Variants in CCDC85C observed in about 807,000 individuals in gnomAD.
The protein encoded by CCDC85C is coiled-coil domain-containing protein 85C.
CCDC85C carries 18 observed loss-of-function variants against 38.3 expected under a neutral mutation model. The observed-to-expected ratio is 0.47, with a 90% CI of 0.33 to 0.70. CCDC85C has a LOEUF of 0.70. CCDC85C is among the 30% of genes least tolerant of loss of function. The pLI, the probability that CCDC85C is intolerant of heterozygous loss-of-function variation, is 0.03. For missense variants in CCDC85C, 566 were observed against 621.2 expected, an observed-to-expected ratio of 0.91 and a Z score of 0.94; for synonymous variants, 264 against 293.8, an observed-to-expected ratio of 0.90 and a Z score of 1.04.
Position 99,572,661 on chromosome 14 carries a change from G to GT in CCDC85C, c.793+30505_793+30506insA, listed in dbSNP as rs1555371332. ...TATCATCCAAGCCCCAGGTGACCTG[G>GT]CCCCTCCTTAAGAGGCCTCCCCTGC... On this transcript the variant is annotated intron_variant, in intron 1 of 5. Coordinates refer to ENST00000380243, the MANE Select transcript of CCDC85C (RefSeq NM_001144995.2). The surrounding 1 kb of genome is among the most constrained non-coding windows in gnomAD (Gnocchi z 4.4). 3 of 455,698 alleles carry GT rather than the reference G, an allele frequency of 6.6e-6. No homozygotes were observed. Among genetic ancestry groups the GT allele is most frequent in the South Asian group, 1.5e-5 (1 of 64,540 alleles). The allele number at this position is 455,698 out of a possible 1,614,324, so 28.2% of individuals were successfully genotyped here.
chr14:99,523,129 G>A (rs2139902084), intron 2 of CCDC85C, among the ~76,000 whole-genome samples: 1 of 152,282 alleles, frequency 6.6e-6, no homozygotes, highest in South Asian at 2.1e-4. Context: ...AAACCCTGCG[G>A]AATGTCCCAT....
In CCDC85C at chr14:99,510,790, CT is replaced by C. The variant is rs776794029; in HGVS notation, c.*4455del. On this transcript the variant is annotated 3_prime_UTR_variant, in exon 6 of 6. Transcript: ENST00000380243. ...GCAGCCTGGATGAGATAACGTGAGC[CT>C]TTTTTCCCTCTTTGTTTTTTTAACA... The C allele has an allele frequency of 3.9e-5, 56 of 1,421,986 alleles. No individual in the cohort carries two copies. The African/African-American group carries it at 4.7e-4, about 12-fold the overall frequency. The allele number at this position is 1,421,986 out of a possible 1,614,324, so 88.1% of individuals were successfully genotyped here. A position where few individuals can be genotyped will look rare whatever the true frequency, so the allele number is the denominator to read the frequency against.
At chr14:99,571,496 G>T (rs974054610) in intron 1 of CCDC85C, among the ~76,000 whole-genome samples, 1 of 152,226 alleles carries the variant, frequency 6.6e-6, no homozygotes, top group Non-Finnish European at 1.5e-5. Flanking sequence ...CTGAGACGCA[G>T]ACCAAAGGCC....
In CCDC85C at chr14:99,535,927, G is replaced by C. The variant is rs922589294; in HGVS notation, c.867+88C>G. ...GGGAGCAGTTGGGGGGACAGCCTAG[G>C]TCCCAAGGGGAAGGGTGCCCTGGGT... On this transcript the variant is annotated intron_variant, in intron 2 of 5. Transcript: ENST00000380243. This position sits in a 1 kb window ranked among gnomAD's most constrained non-coding sequence, Gnocchi z 5.5. 1 of 986,274 alleles carries C rather than the reference G, an allele frequency of 1.0e-6. No homozygotes were observed. Among genetic ancestry groups the C allele is most frequent in the African/African-American group, 1.6e-5 (1 of 62,504 alleles). 61.1% of individuals were successfully genotyped at this position (986,274 alleles called of 1,614,324 possible).
rs1566773289 is a variant in CCDC85C at position 99,558,196 on chromosome 14, C to T, written c.794-22108G>A. Among the ~76,000 whole-genome samples, 2 of 152,182 alleles carry T rather than the reference C, an allele frequency of 1.3e-5. No homozygotes were observed. ...AACTCAGCCGTGTGAAAGCCACTGG[C>T]CTTCATCATCTGCCCAACAGCAGAA... On this transcript the variant is annotated intron_variant, in intron 1 of 5. Transcript: ENST00000380243. The surrounding 1 kb of genome is among the most constrained non-coding windows in gnomAD (Gnocchi z 4.2).
Position 99,516,473 on chromosome 14 carries a change from A to G in CCDC85C, c.1072-187T>C, listed in dbSNP as rs906057364. ...TGTCATCTCACCCTGCTGACACTGG[A>G]TGCCCTACAAGGGAAGCAGCTCATG... is the stretch of plus-strand genomic sequence containing the variant. On this transcript the variant is annotated intron_variant, in intron 4 of 5. Coordinates refer to ENST00000380243, the MANE Select transcript of CCDC85C (RefSeq NM_001144995.2). This position sits in a 1 kb window ranked among gnomAD's most constrained non-coding sequence, Gnocchi z 5.5. Among the ~76,000 whole-genome samples, 4 of 152,138 alleles carry G rather than the reference A, an allele frequency of 2.6e-5. No homozygotes were observed. Among genetic ancestry groups the G allele is most frequent in the African/African-American group, 9.7e-5 (4 of 41,422 alleles).
rs2139917226 is a variant in CCDC85C, at chr14:99,535,161, C to A, written c.867+854G>T. ...GCACCAAGCCTGGCTGGTCACCTAG[C>A]AACAGGGCCAGGCAGCTGAGCCATC... On this transcript the variant is annotated intron_variant, in intron 2 of 5. Coordinates refer to ENST00000380243, the MANE Select transcript of CCDC85C (RefSeq NM_001144995.2). The surrounding 1 kb of genome is among the most constrained non-coding windows in gnomAD (Gnocchi z 5.5). 1 of 176,936 alleles carries A rather than the reference C, an allele frequency of 5.7e-6. No homozygotes were observed. Among genetic ancestry groups the A allele is most frequent in the Non-Finnish European group, 1.2e-5 (1 of 83,750 alleles). 11.0% of individuals were successfully genotyped at this position (176,936 alleles called of 1,614,324 possible).
Position 99,535,798 on chromosome 14 carries a change from A to T in CCDC85C, c.867+217T>A, listed in dbSNP as rs571114445. On this transcript the variant is annotated intron_variant, in intron 2 of 5. Coordinates refer to ENST00000380243, the MANE Select transcript of CCDC85C (RefSeq NM_001144995.2). This position sits in a 1 kb window ranked among gnomAD's most constrained non-coding sequence, Gnocchi z 5.5. The stretch of plus-strand genomic sequence containing the variant: ...CCTGGGCCAGCCCTGAGGAGCTCGC[A>T]TACTGGGCAGTCAGCATGGAAGGTT... Among the ~76,000 whole-genome samples, 94 of 152,238 alleles carry T rather than the reference A, an allele frequency of 6.2e-4. No individual in the cohort carries two copies. The highest frequency in any genetic ancestry group is 2.2e-3 in the African/African-American group (92 of 41,552).
intron 1 of CCDC85C, among the ~76,000 whole-genome samples, chr14:99,547,008 CT>C (rs1056391904): frequency 6.6e-6 from 1 of 151,246 alleles, no homozygotes; most frequent in East Asian, 1.9e-4. Context: ...ATTGTGATTT[CT>C]TTTTTTTTAA....
chr14:99,547,511 T>C (rs1475338904), intron 1 of CCDC85C, among the ~76,000 whole-genome samples: 2 of 152,164 alleles, frequency 1.3e-5, no homozygotes, highest in Non-Finnish European at 1.5e-5. Flanking sequence ...CAGTGGCTCA[T>C]GCCTGTAATC....
rs2055047388 is a variant in CCDC85C at position 99,588,176 on chromosome 14, C to A, written c.793+14991G>T. On this transcript the variant is annotated intron_variant, in intron 1 of 5. Transcript: ENST00000380243. The surrounding 1 kb of genome is among the most constrained non-coding windows in gnomAD (Gnocchi z 5.0). Reference sequence around the variant, plus strand: ...AGGTCTGGGGAGACAAGCATCTCAGCCGAACACAACAGTCACCCTGGGACA... The same window carrying A: ...AGGTCTGGGGAGACAAGCATCTCAGACGAACACAACAGTCACCCTGGGACA... 6.6e-6 allele frequency among the ~76,000 whole-genome samples: 1 copy of A among 152,138 alleles called. No individual in the cohort carries two copies. The highest frequency in any genetic ancestry group is 1.5e-5 in the Non-Finnish European group (1 of 68,034).
intron 2 of CCDC85C, 197 bp from the exon 3 acceptor site, chr14:99,522,437 A>C (rs1897316260): frequency 1.9e-6 from 1 of 520,202 alleles, no homozygotes; most frequent in East Asian, 3.2e-5. Context: ...CTCAAATGTC[A>C]GCGATCCACT....
In CCDC85C at chr14:99,572,138, C is replaced by T. The variant is rs1898361111; in HGVS notation, c.793+31029G>A. Among the ~76,000 whole-genome samples, 2 of 152,178 alleles carry T rather than the reference C, an allele frequency of 1.3e-5. No individual in the cohort carries two copies. The highest frequency in any genetic ancestry group is 6.5e-5 in the Admixed American group (1 of 15,284). On this transcript the variant is annotated intron_variant, in intron 1 of 5. Coordinates refer to ENST00000380243, the MANE Select transcript of CCDC85C (RefSeq NM_001144995.2). The surrounding 1 kb of genome is among the most constrained non-coding windows in gnomAD (Gnocchi z 4.4). ...AGGGCCAGATTCCCCACATACCCTCCCAAGCCTGAGGGCTCAAATTCACAG... is the reference window on the plus strand; with the variant it reads ...AGGGCCAGATTCCCCACATACCCTCTCAAGCCTGAGGGCTCAAATTCACAG...
chr14:99,561,574 C>T (rs1297952149), intron 1 of CCDC85C, among the ~76,000 whole-genome samples: 2 of 152,200 alleles, frequency 1.3e-5, no homozygotes, highest in Non-Finnish European at 2.9e-5. Context: ...GGGGCGGGCG[C>T]CATGCAGTGG....
At position 99,520,155 on chromosome 14, in the gene CCDC85C, C is replaced by T. The variant is rs1018010450; in HGVS notation, c.975+1978G>A. ...ACCCAGGGACTCTCCAGCATGCCCT[C>T]AATGTGCCCATGACCCACAGGTAGC... is the stretch of plus-strand genomic sequence containing the variant. On this transcript the variant is annotated intron_variant, in intron 3 of 5. Transcript: ENST00000380243. The surrounding 1 kb of genome is among the most constrained non-coding windows in gnomAD (Gnocchi z 4.1). 6.6e-6 allele frequency among the ~76,000 whole-genome samples: 1 copy of T among 152,190 alleles called. No individual in the cohort carries two copies. The highest frequency in any genetic ancestry group is 6.5e-5 in the Admixed American group (1 of 15,288).
In CCDC85C at chr14:99,572,537, C is replaced by T. The variant is rs574878817; in HGVS notation, c.793+30630G>A. On this transcript the variant is annotated intron_variant, in intron 1 of 5. Transcript: ENST00000380243. The surrounding 1 kb of genome is among the most constrained non-coding windows in gnomAD (Gnocchi z 4.4). ...ACCCCAATAGCTCCTCCTACCCTGC[C>T]CCCTTCGGTCACCAGAGTCCAGCCA... 2.0e-5 allele frequency among the ~76,000 whole-genome samples: 3 copies of T among 152,300 alleles called. No individual in the cohort carries two copies. Among genetic ancestry groups the T allele is most frequent in the East Asian group, 3.9e-4 (2 of 5,180 alleles).
intron 1 of CCDC85C, among the ~76,000 whole-genome samples, chr14:99,595,528 C>T (rs962841533): frequency 6.6e-6 from 1 of 152,204 alleles, no homozygotes; most frequent in Non-Finnish European, 1.5e-5. Context: ...CCTGGTCTCT[C>T]TTCTTACCTG....
intron 2 of CCDC85C, among the ~76,000 whole-genome samples, chr14:99,531,610 T>C (rs1476702028): frequency 7.4e-6 from 1 of 135,346 alleles, no homozygotes; most frequent in African/African-American, 2.7e-5. Flanking sequence ...CCGCGGGGAG[T>C]AGGAATCCAG....
intron 1 of CCDC85C, among the ~76,000 whole-genome samples, chr14:99,537,753 C>G (rs1277781879): frequency 6.6e-6 from 1 of 152,210 alleles, no homozygotes; most frequent in East Asian, 1.9e-4. Context: ...CCTGATCCCT[C>G]CCTCCCTGGC....
Sources: gnomAD v4.1 joint callset for allele counts (sites outside exome capture counted in the v4.1 genomes callset) on GRCh38, gnomAD v4.1.1 for gene constraint, Gnocchi (gnomAD v3.1) non-coding constraint, MANE v1.5 for transcripts, NCBI Gene and HGNC (gene_info 2026-07-23, HGNC 2026-07-21) for gene names.